Variants in CDH8 observed in about 807,000 individuals in gnomAD.
CDH8 encodes the protein cadherin-8.
A neutral mutation model predicts 68.1 loss-of-function variants in CDH8; 17 were observed. That is an observed-to-expected ratio of 0.25 (90% CI 0.17 to 0.37). The LOEUF is 0.37. CDH8 is among the 10% of genes least tolerant of loss of function. CDH8 has a pLI of 1.00. For missense variants in CDH8, 763 were observed against 999.3 expected, an observed-to-expected ratio of 0.76 and a Z score of 3.19; for synonymous variants, 372 against 365.1, an observed-to-expected ratio of 1.02 and a Z score of -0.21.
At chr16:62,019,720 G>T (rs1902026072) in intron 2 of CDH8, among the ~76,000 whole-genome samples, 1 of 152,074 alleles carries the variant, frequency 6.6e-6, no homozygotes, top group African/African-American at 2.4e-5. Flanking sequence ...TTTACACTTT[G>T]AACTTAGGAC....
At chr16:61,783,492 A>G (rs2142992907) in intron 8 of CDH8, among the ~76,000 whole-genome samples, 1 of 152,066 alleles carries the variant, frequency 6.6e-6, no homozygotes, top group South Asian at 2.1e-4. Context: ...GGGAGAATGG[A>G]ACCAAGTTGG....
At chr16:61,959,749 A>G (rs1965054698) in intron 2 of CDH8, among the ~76,000 whole-genome samples, 1 of 149,926 alleles carries the variant, frequency 6.7e-6, no homozygotes, top group Non-Finnish European at 1.5e-5. Context: ...TATGATATCT[A>G]TATATCTATA....
At chr16:61,886,415 C>T (rs1211498456) in intron 3 of CDH8, among the ~76,000 whole-genome samples, 2 of 152,192 alleles carry the variant, frequency 1.3e-5, no homozygotes, top group Non-Finnish European at 2.9e-5. Flanking sequence ...TCTTTTGAAT[C>T]CCCCTGGTCA....
intron 2 of CDH8, among the ~76,000 whole-genome samples, chr16:61,907,400 C>A (rs1473245050): frequency 6.6e-6 from 1 of 152,100 alleles, no homozygotes. Context: ...ACCTAAGGGC[C>A]AGACATGGTG....
intron 1 of CDH8, among the ~76,000 whole-genome samples, chr16:62,035,567 C>A (rs1422282276): frequency 6.6e-6 from 1 of 152,196 alleles, no homozygotes; most frequent in Non-Finnish European, 1.5e-5. Context: ...CCGCGGGGGT[C>A]GCCCTCCCTC....
intron 9 of CDH8, among the ~76,000 whole-genome samples, chr16:61,721,080 A>T (rs958353597): frequency 6.6e-6 from 1 of 150,624 alleles, no homozygotes; most frequent in Non-Finnish European, 1.5e-5. Flanking sequence ...CTGATCTCAC[A>T]TTTAGATTGT....
At chr16:61,722,761 A>G (rs1959235084) in intron 9 of CDH8, among the ~76,000 whole-genome samples, 1 of 150,872 alleles carries the variant, frequency 6.6e-6, no homozygotes, top group African/African-American at 2.4e-5. Context: ...ATCCAGAAGT[A>G]TAAGTGACTA....
chr16:61,774,317 C>A lies in CDH8; in HGVS notation c.1414+15029G>T, dbSNP rs78097784. Among the ~76,000 whole-genome samples, 3,362 of 152,004 alleles carry A rather than the reference C, an allele frequency of 0.022. 252 individuals carry two copies. The East Asian group carries it at 0.24, about 11-fold the overall frequency. On this transcript the variant is annotated intron_variant, in intron 8 of 11. Coordinates refer to ENST00000577390, the MANE Select transcript of CDH8 (RefSeq NM_001796.5). ...ACGCGAGGCTCCTCTCTGCCAGCAC[C>A]TTTCTCATGGTCTCTAACTCCCAAG...
At chr16:61,686,516 G>A (rs181504943) in intron 10 of CDH8, among the ~76,000 whole-genome samples, 1 of 151,890 alleles carries the variant, frequency 6.6e-6, no homozygotes, top group Admixed American at 6.6e-5. Flanking sequence ...TTTAATTCCT[G>A]TGCACTCTCT....
At chr16:61,655,025 C>T (rs1963410998) in intron 11 of CDH8, among the ~76,000 whole-genome samples, 1 of 152,134 alleles carries the variant, frequency 6.6e-6, no homozygotes, top group Non-Finnish European at 1.5e-5. Flanking sequence ...TTTTAGTTTG[C>T]TCATTTGCTT....
intron 1 of CDH8, among the ~76,000 whole-genome samples, chr16:62,027,907 A>G (rs2150619239): frequency 6.6e-6 from 1 of 152,260 alleles, no homozygotes; most frequent in Non-Finnish European, 1.5e-5. Flanking sequence ...CCACACACAT[A>G]CACGTGCACA....
At chr16:61,724,004 T>A (rs1356395266) in intron 9 of CDH8, among the ~76,000 whole-genome samples, 1 of 150,648 alleles carries the variant, frequency 6.6e-6, no homozygotes, top group African/African-American at 2.4e-5. Flanking sequence ...AAAATATAGA[T>A]AATTAGCAAT....
chr16:61,793,089 A>T (rs1305103919), intron 7 of CDH8, among the ~76,000 whole-genome samples: 1 of 151,958 alleles, frequency 6.6e-6, no homozygotes, highest in Non-Finnish European at 1.5e-5. Context: ...CTTATAAAAA[A>T]GACCCCAGGG....
intron 10 of CDH8, among the ~76,000 whole-genome samples, chr16:61,707,653 G>A (rs1596885600): frequency 6.6e-6 from 1 of 152,102 alleles, no homozygotes; most frequent in East Asian, 1.9e-4. Flanking sequence ...GGAATGTCAC[G>A]TATGCCCAAT....
At chr16:61,955,440 A>C (rs2143607648) in intron 2 of CDH8, among the ~76,000 whole-genome samples, 1 of 152,214 alleles carries the variant, frequency 6.6e-6, no homozygotes, top group African/African-American at 2.4e-5. Context: ...CTGTTCATAA[A>C]CCTTGTACTA....
chr16:61,714,189 T>C (rs1964679998), intron 9 of CDH8: 1 of 480,122 alleles, frequency 2.1e-6, no homozygotes, highest in African/African-American at 2.0e-5. Flanking sequence ...TTTGTGTCCA[T>C]TTGGTGTCTG....
At chr16:61,801,913 T>A (rs1182286970) in intron 7 of CDH8, among the ~76,000 whole-genome samples, 4 of 148,870 alleles carry the variant, frequency 2.7e-5, no homozygotes, top group Admixed American at 2.7e-4. Context: ...TTGCCCAGGC[T>A]TGCTTAGGTA....
intron 2 of CDH8, among the ~76,000 whole-genome samples, chr16:61,902,683 T>G (rs1349457594): frequency 6.6e-6 from 1 of 151,948 alleles, no homozygotes; most frequent in Non-Finnish European, 1.5e-5. Flanking sequence ...TTTCACGTTC[T>G]TCAACAATTT....
intron 10 of CDH8, among the ~76,000 whole-genome samples, chr16:61,713,266 T>A (rs1303620538): frequency 1.3e-5 from 2 of 151,586 alleles, no homozygotes; most frequent in African/African-American, 4.8e-5. Context: ...TCTAATGAAA[T>A]GGATTAAATG....
Sources: gnomAD v4.1 joint callset for allele counts (sites outside exome capture counted in the v4.1 genomes callset) on GRCh38, gnomAD v4.1.1 for gene constraint, MANE v1.5 for transcripts, NCBI Gene and HGNC (gene_info 2026-07-23, HGNC 2026-07-21) for gene names.